Variants in ECE1 observed in about 807,000 individuals in gnomAD.
ECE1 encodes the protein endothelin converting enzyme 1, also known as endothelin-converting enzyme 1.
ECE1 carries 35 observed loss-of-function variants against 98.6 expected under a neutral mutation model. The observed-to-expected ratio is 0.35, with a 90% CI of 0.27 to 0.47. The LOEUF (loss-of-function observed/expected upper bound fraction) is 0.47. ECE1 is among the 20% of genes least tolerant of loss of function. The pLI, the probability that ECE1 is intolerant of heterozygous loss-of-function variation, is 1.00. For synonymous variants in ECE1, 394 were observed against 407.1 expected (o/e 0.97, Z 0.39); for missense variants, 814 against 1,025.3 (o/e 0.79, Z 2.81).
rs58201460 is a variant in ECE1, at chr1:21,323,632, A to AAAAATAAAAT, written c.3+21734_3+21743dup. ...GAGTGGCACCCCGTCCCAAAAAACTAAAAATAAAATAAAATAAAATAAAAT... is the reference window on the plus strand; with the variant it reads ...GAGTGGCACCCCGTCCCAAAAAACTAAAAATAAAATAAAATAAAATAAAATAAAATAAAAT... On this transcript the variant is annotated intron_variant, in intron 1 of 18. Transcript: ENST00000415912. 2.3e-3 allele frequency among the ~76,000 whole-genome samples: 347 copies of AAAAATAAAAT among 149,536 alleles called. 2 individuals are homozygous for AAAAATAAAAT. The highest frequency in any genetic ancestry group is 6.0e-3 in the African/African-American group (244 of 40,340).
intron 1 of ECE1, among the ~76,000 whole-genome samples, chr1:21,334,754 C>T (rs747509105): frequency 5.9e-5 from 9 of 152,122 alleles, no homozygotes; most frequent in Middle Eastern, 3.2e-3. Flanking sequence ...AGCAAGGTCT[C>T]GAAGCATCTG....
At chr1:21,298,441 C>T (rs1299803413) in intron 1 of ECE1, 1 of 308,014 alleles carries the variant, frequency 3.2e-6, no homozygotes, top group Admixed American at 3.9e-5. Context: ...CATTTCACTT[C>T]AATTTTATGC....
chr1:21,318,871 G>C (rs540283700), intron 1 of ECE1, among the ~76,000 whole-genome samples: 131 of 152,350 alleles, frequency 8.6e-4, no homozygotes, highest in African/African-American at 3.0e-3. Flanking sequence ...GAGACGCTGA[G>C]CGAGGGTCAG....
intron 1 of ECE1, among the ~76,000 whole-genome samples, chr1:21,311,177 T>G (rs918472842): frequency 6.6e-6 from 1 of 152,148 alleles, no homozygotes; most frequent in Non-Finnish European, 1.5e-5. Context: ...TGGGGCTCCC[T>G]GGCCAGCTCA....
At chr1:21,289,373 G>A (rs2098263956) in intron 2 of ECE1, among the ~76,000 whole-genome samples, 1 of 152,212 alleles carries the variant, frequency 6.6e-6, no homozygotes, top group Admixed American at 6.5e-5. Flanking sequence ...CCAGGGACGG[G>A]AGGGCAGAAA....
At position 21,260,150 on chromosome 1, in the gene ECE1, C is replaced by T. The variant is rs1040200064; in HGVS notation, c.615+121G>A. ...TCGCTCTCTCTCTTTCTGTCTTTCT[C>T]TTGGTGCTACCGGCTGGACGTATGA... On this transcript the variant is annotated intron_variant, in intron 5 of 18. Coordinates refer to ENST00000374893, the MANE Select transcript of ECE1 (RefSeq NM_001397.3). The surrounding 1 kb of genome is among the most constrained non-coding windows in gnomAD (Gnocchi z 4.3). 3.3e-5 allele frequency: 48 copies of T among 1,441,044 alleles called. No individual in the cohort carries two copies. The highest frequency in any genetic ancestry group is 4.6e-5 in the Non-Finnish European group (47 of 1,027,484). 89.3% of individuals were successfully genotyped at this position (1,441,044 alleles called of 1,614,324 possible).
At chr1:21,339,397 A>G (rs1168813946) in intron 1 of ECE1, among the ~76,000 whole-genome samples, 3 of 152,172 alleles carry the variant, frequency 2.0e-5, no homozygotes, top group African/African-American at 7.2e-5. Flanking sequence ...GTTTCTGCCA[A>G]ACTGAGTGGC....
intron 9 of ECE1, 78 bp from the exon 10 acceptor site, chr1:21,245,181 G>A (rs1357644041): frequency 2.3e-6 from 3 of 1,325,832 alleles, no homozygotes; most frequent in Admixed American, 1.9e-5. Flanking sequence ...CTGGCCCCTA[G>A]GGGGCTCTCA....
chr1:21,236,264 G>A (rs2098187873), intron 12 of ECE1, among the ~76,000 whole-genome samples: 1 of 152,244 alleles, frequency 6.6e-6, no homozygotes, highest in Non-Finnish European at 1.5e-5. Flanking sequence ...AGACATCCAA[G>A]CAATCATGTG....
chr1:21,260,543 C>T lies in ECE1; in HGVS notation c.494-151G>A, dbSNP rs2098225436. On this transcript the variant is annotated intron_variant, in intron 4 of 18. Coordinates refer to ENST00000374893, the MANE Select transcript of ECE1 (RefSeq NM_001397.3). This position sits in a 1 kb window ranked among gnomAD's most constrained non-coding sequence, Gnocchi z 4.3. ...GAGTGGCAGTGAGGAATGCCGTCAC[C>T]GTGAGTATGTGAGGGCCCCTGGACA... 7.5e-6 allele frequency: 8 copies of T among 1,067,416 alleles called. No homozygotes were observed. The highest frequency in any genetic ancestry group is 1.5e-5 in the African/African-American group (1 of 64,602). 66.1% of individuals were successfully genotyped at this position (1,067,416 alleles called of 1,614,324 possible).
Position 21,225,842 on chromosome 1 carries a change from C to T in ECE1, c.1850-402G>A, listed in dbSNP as rs1039376283. Among the ~76,000 whole-genome samples, 3 of 151,356 alleles carry T rather than the reference C, an allele frequency of 2.0e-5. No individual in the cohort carries two copies. Among genetic ancestry groups the T allele is most frequent in the South Asian group, 2.1e-4 (1 of 4,800 alleles). On this transcript the variant is annotated intron_variant, in intron 16 of 18. Transcript: ENST00000374893. This position sits in a 1 kb window ranked among gnomAD's most constrained non-coding sequence, Gnocchi z 5.3. ...AGTAGCTGGGATTACAGGCACATGC[C>T]GCCATGCCTAGCTGATTTCTGTTTT... is the stretch of plus-strand genomic sequence containing the variant.
rs188657573 is a variant in ECE1 at position 21,273,609 on chromosome 1, T to C, written c.281-698A>G. On this transcript the variant is annotated intron_variant, in intron 3 of 18. Transcript: ENST00000374893. Reference sequence around the variant, plus strand: ...GCCTATTAGAAATAGAAGGAGGAAATAGGAAAAATCACTCCTACGTACAAG... The same window carrying C: ...GCCTATTAGAAATAGAAGGAGGAAACAGGAAAAATCACTCCTACGTACAAG... 6.6e-5 allele frequency among the ~76,000 whole-genome samples: 10 copies of C among 151,932 alleles called. 1 individual carries two copies. The East Asian group carries it at 1.7e-3, about 27-fold the overall frequency.
intron 1 of ECE1, among the ~76,000 whole-genome samples, chr1:21,309,782 C>CTTTTTTTTTTTTTTT (rs1223419250): frequency 2.3e-5 from 3 of 130,146 alleles, no homozygotes; most frequent in Non-Finnish European, 3.2e-5. Flanking sequence ...TTTTTTCTTT[C>CTTTTTTTTTTTTTTT]TTTTTTTTTT....
chr1:21,285,416 T>C (rs1008635991), intron 2 of ECE1, among the ~76,000 whole-genome samples: 4 of 152,110 alleles, frequency 2.6e-5, no homozygotes, highest in Non-Finnish European at 5.9e-5. Flanking sequence ...GTGTGACTTC[T>C]CAGACTCTCA....
At chr1:21,246,807 G>A (rs866630729) in intron 9 of ECE1, among the ~76,000 whole-genome samples, 3 of 152,078 alleles carry the variant, frequency 2.0e-5, no homozygotes, top group South Asian at 2.1e-4. Context: ...TGACAGGCAC[G>A]CGACACCATG....
Position 21,234,546 on chromosome 1 carries a change from A to G in ECE1, c.1567-885T>C, listed in dbSNP as rs539538886. Among the ~76,000 whole-genome samples, 6 of 151,774 alleles carry G rather than the reference A, an allele frequency of 4.0e-5. No homozygotes were observed. The South Asian group carries it at 1.0e-3, about 26-fold the overall frequency. ...CACGCTGGAGTGCAGTGGTGCAATC[A>G]CAGCTTGCTGCAGCCTTGTCTTCTT... On this transcript the variant is annotated intron_variant, in intron 13 of 18. Transcript: ENST00000374893.
At chr1:21,298,819 G>T (rs926415891) in intron 1 of ECE1, 1 of 456,190 alleles carries the variant, frequency 2.2e-6, no homozygotes, top group Non-Finnish European at 4.4e-6. Flanking sequence ...TGCCTCACCT[G>T]CTCCATCCTT....
chr1:21,313,056 G>A (rs1241755774), intron 1 of ECE1, among the ~76,000 whole-genome samples: 1 of 152,160 alleles, frequency 6.6e-6, no homozygotes, highest in Non-Finnish European at 1.5e-5. Flanking sequence ...GGGCAGGACT[G>A]GACACCAGGT....
At chr1:21,249,492 T>TC (rs1471485949) in intron 8 of ECE1, among the ~76,000 whole-genome samples, 9 of 151,828 alleles carry the variant, frequency 5.9e-5, no homozygotes, top group Non-Finnish European at 1.3e-4. Context: ...GCCCAGGAGT[T>TC]CAAGACCAGC....
Sources: gnomAD v4.1 joint callset for allele counts (sites outside exome capture counted in the v4.1 genomes callset) on GRCh38, gnomAD v4.1.1 for gene constraint, Gnocchi (gnomAD v3.1) non-coding constraint, MANE v1.5 for transcripts, NCBI Gene and HGNC (gene_info 2026-07-23, HGNC 2026-07-21) for gene names.